The following TAP2 variants were observed in gnomAD, a reference collection of about 807,000 sequenced individuals.
TAP2 encodes the protein transporter 2, ATP binding cassette subfamily B member, also known as antigen peptide transporter 2.
A neutral mutation model predicts 74.7 loss-of-function variants in TAP2; 49 were observed. That is an observed-to-expected ratio of 0.66 (90% CI 0.52 to 0.83). The LOEUF (loss-of-function observed/expected upper bound fraction) is 0.83, where lower values mean the gene tolerates loss of function less well. Ranked by LOEUF, TAP2 falls within the 40% of genes least tolerant of loss-of-function variation. The pLI, the probability that TAP2 is intolerant of heterozygous loss-of-function variation, is 0.00. For missense variants in TAP2, 739 were observed against 859.0 expected, an observed-to-expected ratio of 0.86 and a Z score of 1.75; for synonymous variants, 306 against 368.4, an observed-to-expected ratio of 0.83 and a Z score of 1.94.
chr6:32,824,916 T>C (rs16870923), downstream of TAP2, among the ~76,000 whole-genome samples: 10,187 of 152,078 alleles, frequency 0.067, 672 homozygotes, highest in African/African-American at 0.18. Flanking sequence ...TCATATTTCA[T>C]TTCTCATTCT....
chr6:32,831,772 AT>A (rs1769095480), intron 7 of TAP2, among the ~76,000 whole-genome samples: 2 of 152,212 alleles, frequency 1.3e-5, no homozygotes, highest in Non-Finnish European at 2.9e-5. Context: ...GGATGGATAG[AT>A]AGATAGACAG....
intron 3 of TAP2, among the ~76,000 whole-genome samples, chr6:32,836,912 GGGTAA>G (rs1769454751): frequency 2.0e-5 from 3 of 152,210 alleles, no homozygotes; most frequent in Admixed American, 2.0e-4. Context: ...GCTGGGATTT[GGGTAA>G]GGTGAGTGCA....
In TAP2 at chr6:32,825,994, AGTC is replaced by A. The variant is rs144702111; in HGVS notation, c.*2909_*2911del. On this transcript the variant is annotated 3_prime_UTR_variant, in exon 12 of 12. Coordinates refer to ENST00000374897, the MANE Select transcript of TAP2 (RefSeq NM_001290043.2). ...CCAGTGAATGCTTAGTAGTAGTAGT[AGTC>A]TAATTCCTAAGAGTCCATGGAACTC... 28,633 of 985,134 alleles carry A rather than the reference AGTC, an allele frequency of 0.029. 1,107 individuals carry two copies. Among genetic ancestry groups the A allele is most frequent in the African/African-American group, 0.18 (10,204 of 57,276 alleles). 61.0% of individuals were successfully genotyped at this position (985,134 alleles called of 1,614,324 possible). A position where few individuals can be genotyped will look rare whatever the true frequency, so the allele number is the denominator to read the frequency against.
intron 9 of TAP2, 52 bp from the exon 10 acceptor site, chr6:32,830,141 G>A (rs758958050): frequency 6.2e-7 from 1 of 1,612,672 alleles, no homozygotes; most frequent in South Asian, 1.1e-5. Flanking sequence ...CCAAGGCAGG[G>A]GCCCTTTTGT....
rs1019339483 is a variant in TAP2, at chr6:32,827,870, T to G, written c.*1036A>C. On this transcript the variant is annotated 3_prime_UTR_variant, in exon 12 of 12. Transcript: ENST00000374897. ...ATGGCCGGAAGAGGGAAGCTAATGG[T>G]AGAGAAACCTCTCTGGTGATGGGAT... 1.6e-5 allele frequency: 15 copies of G among 931,402 alleles called. 4 individuals are homozygous for G. Among genetic ancestry groups the G allele is most frequent in the Non-Finnish European group, 1.3e-5 (10 of 782,816 alleles). The allele number at this position is 931,402 out of a possible 1,614,324, so 57.7% of individuals were successfully genotyped here.
Position 32,832,787 on chromosome 6 carries a change from G to A in TAP2, c.983C>T (p.Ala328Val), listed in dbSNP as rs148663600. The change falls in exon 6 of 12, where the codon GCG becomes GTG. Residue 328 changes from alanine to valine, a missense_variant. By Grantham distance (64) the Ala-to-Val change is moderately conservative. Coordinates refer to ENST00000374897, the MANE Select transcript of TAP2 (RefSeq NM_001290043.2). The surrounding 1 kb of genome is among the most constrained non-coding windows in gnomAD (Gnocchi z 5.9). ...LREIQDAVARAGQVVREAVGG... is the reference protein window; with the variant it reads ...LREIQDAVARVGQVVREAVGG... ...AACGGCTTCCCGCACCACCTGCCCC[G>A]CCCTGGCCACTGCATCCTGGATCTC... 1.2e-5 allele frequency: 20 copies of A among 1,612,692 alleles called. No individual in the cohort carries two copies. The highest frequency in any genetic ancestry group is 9.3e-5 in the African/African-American group (7 of 74,892).
Position 32,826,211 on chromosome 6 carries a change from G to C in TAP2, c.*2695C>G. The C allele has an allele frequency of 1.0e-6, 1 of 985,352 alleles. No homozygotes were observed. The highest frequency in any genetic ancestry group is 4.7e-5 in the South Asian group (1 of 21,282). 61.0% of individuals were successfully genotyped at this position (985,352 alleles called of 1,614,324 possible). ...ACAATTGCCATGTGGATTACAAGTG[G>C]CTATCCCTGGGTGGAGGCATAAAGG... On this transcript the variant is annotated 3_prime_UTR_variant, in exon 12 of 12. Transcript: ENST00000374897.
intron 9 of TAP2, 62 bp from the exon 10 acceptor site, chr6:32,830,151 T>C: frequency 1.2e-6 from 2 of 1,612,616 alleles, no homozygotes. Context: ...GGCCCTTTTG[T>C]CCTCCCCACC....
At chr6:32,825,313 T>C (rs1768573975), downstream of TAP2, 1 of 152,148 alleles carries the variant, frequency 6.6e-6, no homozygotes, top group Non-Finnish European at 1.5e-5. Flanking sequence ...TGCATTACAA[T>C]GTCTATACAA....
chr6:32,829,353 A>C, intron 11 of TAP2, 47 bp downstream of exon 11: 2 of 1,562,954 alleles, frequency 1.3e-6, no homozygotes, highest in Non-Finnish European at 1.7e-6. Context: ...TCCTCCCAGC[A>C]TGCCCCTCCC....
In TAP2 at chr6:32,832,343, C is replaced by G; in HGVS notation, c.1262G>C (p.Ser421Thr). ...TGGCTTCTCGCTCACCTGCACATAG[C>G]TCCCCACGCTCTCCTGGTAGATCAT... ...SFMIYQESVGSYVQTLVYIYG... is the reference protein window; with the variant it reads ...SFMIYQESVGTYVQTLVYIYG... The change falls in exon 7 of 12, where the codon AGC (serine) becomes ACC (threonine). Residue 421 changes from serine to threonine, a missense_variant. Ser to Thr is a moderately conservative substitution (Grantham distance 58, BLOSUM62 1). Coordinates refer to ENST00000374897, the MANE Select transcript of TAP2 (RefSeq NM_001290043.2). The surrounding 1 kb of genome is among the most constrained non-coding windows in gnomAD (Gnocchi z 5.9). 3 of 1,613,052 alleles carry G rather than the reference C, an allele frequency of 1.9e-6. No homozygotes were observed. Among genetic ancestry groups the G allele is most frequent in the Non-Finnish European group, 2.5e-6 (3 of 1,180,030 alleles).
At chr6:32,822,215 T>C (rs918417234), downstream of TAP2, 1 of 1,249,048 alleles carries the variant, frequency 8.0e-7, no homozygotes, top group South Asian at 1.3e-5. Flanking sequence ...CCTGAAAAAA[T>C]AAATGTTGGT....
Position 32,835,852 on chromosome 6 carries a change from G to C in TAP2, c.609-79C>G. ...CGGGTGAAACAGAGGAGCAAGCCAGGAGTGCAGAGAAGCGCAAAGTCAGGG... is the reference window on the plus strand; with the variant it reads ...CGGGTGAAACAGAGGAGCAAGCCAGCAGTGCAGAGAAGCGCAAAGTCAGGG... On this transcript the variant is annotated intron_variant, in intron 3 of 11. Coordinates refer to ENST00000374897, the MANE Select transcript of TAP2 (RefSeq NM_001290043.2). This position sits in a 1 kb window ranked among gnomAD's most constrained non-coding sequence, Gnocchi z 4.0. 1 of 1,598,238 alleles carries C rather than the reference G, an allele frequency of 6.3e-7. No individual in the cohort carries two copies. The highest frequency in any genetic ancestry group is 8.6e-7 in the Non-Finnish European group (1 of 1,167,702).
Position 32,835,536 on chromosome 6 carries a change from C to T in TAP2, c.739+107G>A. ...TGTCCCAAACAAGAGAAAAGCATCC[C>T]CAAGTCCTGGCATACGGGTGAAGGC... On this transcript the variant is annotated intron_variant, in intron 4 of 11. Transcript: ENST00000374897. This position sits in a 1 kb window ranked among gnomAD's most constrained non-coding sequence, Gnocchi z 4.0. 1 of 1,548,702 alleles carries T rather than the reference C, an allele frequency of 6.5e-7. No individual in the cohort carries two copies.
Position 32,830,763 on chromosome 6 carries a change from GCT to G in TAP2, c.1314_1315del (p.Ala439CysfsTer43). 1 of 1,612,832 alleles carries G rather than the reference GCT, an allele frequency of 6.2e-7. No individual in the cohort carries two copies. ...CATGTAGGAGAAAACCTTCTCTGCA[GCT>G]CCCACGTTGCTGAGCATATCCCCAT... On this transcript the variant is annotated frameshift_variant, in exon 8 of 12. Coordinates refer to ENST00000374897, the MANE Select transcript of TAP2 (RefSeq NM_001290043.2). LOFTEE classifies it high-confidence loss of function.
At chr6:32,823,429 ATTTTTT>A (rs9280195), downstream of TAP2, among the ~76,000 whole-genome samples, 1 of 64,550 alleles carries the variant, frequency 1.5e-5, no homozygotes. Flanking sequence ...GTCACACTCA[ATTTTTT>A]TTTTTTTTTT....
At position 32,827,678 on chromosome 6, in the gene TAP2, AG is replaced by A; in HGVS notation, c.*1227del. The A allele has an allele frequency of 1.1e-6, 1 of 918,204 alleles. No homozygotes were observed. The highest frequency in any genetic ancestry group is 1.3e-6 in the Non-Finnish European group (1 of 769,618). 56.9% of individuals were successfully genotyped at this position (918,204 alleles called of 1,614,324 possible). ...GCACAAAGGTGTTGGGGAAGGCAGA[AG>A]TTTGTCGTGGAGCTGGATACAACAG... On this transcript the variant is annotated 3_prime_UTR_variant, in exon 12 of 12. Transcript: ENST00000374897.
Position 32,837,653 on chromosome 6 carries a change from T to C in TAP2, c.494-2A>G, listed in dbSNP as rs2127367115. On this transcript the variant is annotated splice_acceptor_variant, in intron 2 of 11. Coordinates refer to ENST00000374897, the MANE Select transcript of TAP2 (RefSeq NM_001290043.2). LOFTEE classifies it high-confidence loss of function. Reference sequence around the variant, plus strand: ...AATAGTGAGGGATTAATGTCTCACCTGAAAGAGGCATGAAAAATAACACAA... The same window carrying C: ...AATAGTGAGGGATTAATGTCTCACCCGAAAGAGGCATGAAAAATAACACAA... The C allele has an allele frequency of 6.2e-7, 1 of 1,614,044 alleles. No homozygotes were observed. Among genetic ancestry groups the C allele is most frequent in the Non-Finnish European group, 8.5e-7 (1 of 1,179,924 alleles).
rs759264510 is a variant in TAP2 at position 32,838,133 on chromosome 6, C to G, written c.101G>C (p.Gly34Ala). The G allele has an allele frequency of 2.5e-6, 4 of 1,608,738 alleles. No individual in the cohort carries two copies. Among genetic ancestry groups the G allele is most frequent in the Non-Finnish European group, 3.4e-6 (4 of 1,177,410 alleles). ...QGPLGTLLPQGLPGLWLEGTL... is the reference protein window; with the variant it reads ...QGPLGTLLPQALPGLWLEGTL... Reference sequence around the variant, plus strand: ...CCCCTCCAGCCATAGTCCTGGCAGCCCTTGAGGAAGCAAAGTCCCCAGAGG... The same window carrying G: ...CCCCTCCAGCCATAGTCCTGGCAGCGCTTGAGGAAGCAAAGTCCCCAGAGG... Residue 34 changes from glycine (G) to alanine (A), a missense_variant, in exon 2 of 12, where the codon GGG becomes GCG. Physicochemically the swap from Gly to Ala is moderately conservative, Grantham distance 60 (BLOSUM62 0). Transcript: ENST00000374897.
Sources: allele counts gnomAD v4.1 joint callset (sites outside exome capture counted in the v4.1 genomes callset), GRCh38; gene constraint gnomAD v4.1.1; non-coding constraint Gnocchi (gnomAD v3.1); transcripts MANE v1.5; gene names NCBI Gene and HGNC (gene_info 2026-07-23, HGNC 2026-07-21).